Variants in APP observed in about 807,000 individuals in gnomAD.
APP encodes the protein amyloid-beta precursor protein.
APP carries 31 observed loss-of-function variants against 101.4 expected under a neutral mutation model. The ratio of observed to expected loss-of-function variants is 0.31; its 90% CI spans 0.23 to 0.41. The LOEUF is 0.41. APP is among the 10% of genes least tolerant of loss of function. The pLI, the probability that APP is intolerant of heterozygous loss-of-function variation, is 1.00. For synonymous variants in APP, 366 were observed against 364.4 expected, an observed-to-expected ratio of 1.00 and a Z score of -0.05; for missense variants, 839 against 1,003.7, an observed-to-expected ratio of 0.84 and a Z score of 2.22.
intron 16 of APP, among the ~76,000 whole-genome samples, chr21:25,892,906 G>A (rs1476126729): frequency 6.6e-6 from 1 of 151,318 alleles, no homozygotes; most frequent in Admixed American, 6.6e-5. Context: ...GAAAATACAG[G>A]CATACATAGC....
intron 13 of APP, among the ~76,000 whole-genome samples, chr21:25,916,280 G>A (rs776840107): frequency 1.5e-4 from 23 of 152,146 alleles, no homozygotes; most frequent in Non-Finnish European, 2.4e-4. Context: ...GGGATGAGGC[G>A]GGAGCCACTG....
chr21:26,044,398 A>C (rs1342433789), intron 5 of APP, among the ~76,000 whole-genome samples: 3 of 152,234 alleles, frequency 2.0e-5, no homozygotes, highest in Non-Finnish European at 4.4e-5. Context: ...TGACAGAAGG[A>C]GGCATTTTAC....
At chr21:25,946,288 T>C (rs1449629112) in intron 13 of APP, among the ~76,000 whole-genome samples, 1 of 152,220 alleles carries the variant, frequency 6.6e-6, no homozygotes, top group Non-Finnish European at 1.5e-5. Flanking sequence ...AAATACAACC[T>C]ACAGAATGGG....
intron 1 of APP, among the ~76,000 whole-genome samples, chr21:26,136,958 T>C (rs2062932683): frequency 6.6e-6 from 1 of 152,158 alleles, no homozygotes; most frequent in Non-Finnish European, 1.5e-5. Context: ...AGTGGCGCGA[T>C]CTCTGCTCAC....
chr21:26,102,636 A>G (rs559817306), intron 2 of APP, among the ~76,000 whole-genome samples: 2 of 151,768 alleles, frequency 1.3e-5, no homozygotes, highest in Non-Finnish European at 2.9e-5. Context: ...CGCACCTGTA[A>G]TCCCAGCACT....
chr21:25,962,975 G>A (rs1454923021), intron 11 of APP, among the ~76,000 whole-genome samples: 2 of 151,776 alleles, frequency 1.3e-5, no homozygotes, highest in African/African-American at 2.4e-5. Context: ...CCCTCACACC[G>A]ACCTAATTTT....
chr21:25,925,283 C>T (rs992694877), intron 13 of APP, among the ~76,000 whole-genome samples: 10 of 152,240 alleles, frequency 6.6e-5, no homozygotes, highest in African/African-American at 1.7e-4. Flanking sequence ...CAACATACAA[C>T]TGCTATGCTG....
chr21:25,900,170 G>A (rs2038347272), intron 15 of APP, among the ~76,000 whole-genome samples: 1 of 151,850 alleles, frequency 6.6e-6, no homozygotes, highest in Non-Finnish European at 1.5e-5. Context: ...TCTTTCTATA[G>A]CCCTTTTAAA....
chr21:26,133,148 G>A (rs995048610), intron 1 of APP, among the ~76,000 whole-genome samples: 1 of 152,174 alleles, frequency 6.6e-6, no homozygotes, highest in African/African-American at 2.4e-5. Flanking sequence ...TGTGGAGGGA[G>A]GATCGCTTGA....
chr21:25,920,736 G>C (rs367939480), intron 13 of APP, among the ~76,000 whole-genome samples: 8 of 148,236 alleles, frequency 5.4e-5, no homozygotes, highest in Non-Finnish European at 1.0e-4. Context: ...AGCAAGTCCT[G>C]AGTGACCTAC....
chr21:25,933,794 A>G (rs575543919), intron 13 of APP: 2 of 152,134 alleles, frequency 1.3e-5, no homozygotes, highest in East Asian at 3.9e-4. Flanking sequence ...ATTAAATGTT[A>G]TTATTTTTTT....
intron 11 of APP, among the ~76,000 whole-genome samples, chr21:25,970,255 G>C (rs1020678412): frequency 6.6e-6 from 1 of 151,940 alleles, no homozygotes; most frequent in South Asian, 2.1e-4. Flanking sequence ...ATGACACTTC[G>C]GCAAACATTC....
rs1341915379 is a variant in APP, at chr21:26,170,642, G to A, written c.-22C>T. On this transcript the variant is annotated 5_prime_UTR_variant, in exon 1 of 18. Coordinates refer to ENST00000346798, the MANE Select transcript of APP (RefSeq NM_000484.4). ...GCATCGCGACCCTGCGCGGGGCACC[G>A]AGTGCGCTGCTGTGCGAGTGGGATC... The A allele has an allele frequency of 2.6e-6, 4 of 1,531,744 alleles. No individual in the cohort carries two copies. The highest frequency in any genetic ancestry group is 2.0e-5 in the Admixed American group (1 of 50,618). The allele number at this position is 1,531,744 out of a possible 1,614,324, so 94.9% of individuals were successfully genotyped here. A position where few individuals can be genotyped will look rare whatever the true frequency, so the allele number is the denominator to read the frequency against.
chr21:25,952,682 G>C (rs2146480703), intron 13 of APP, among the ~76,000 whole-genome samples: 1 of 152,192 alleles, frequency 6.6e-6, no homozygotes, highest in African/African-American at 2.4e-5. Flanking sequence ...TTTCCCTATA[G>C]TTATTACCTA....
intron 2 of APP, among the ~76,000 whole-genome samples, chr21:26,107,844 T>A (rs1332019774): frequency 6.6e-6 from 1 of 152,178 alleles, no homozygotes; most frequent in Non-Finnish European, 1.5e-5. Context: ...ACAGGCCCTG[T>A]GTTCTGTTCA....
At chr21:26,088,126 C>T (rs2061740791) in intron 3 of APP, among the ~76,000 whole-genome samples, 1 of 152,096 alleles carries the variant, frequency 6.6e-6, no homozygotes, top group Admixed American at 6.5e-5. Context: ...CTTGAGCCAC[C>T]ACACCCAGTG....
chr21:26,039,542 C>T (rs1025501875), intron 5 of APP, among the ~76,000 whole-genome samples: 1 of 152,168 alleles, frequency 6.6e-6, no homozygotes, highest in Non-Finnish European at 1.5e-5. Context: ...CTTTTGAATA[C>T]CCTTGGCAAA....
intron 11 of APP, among the ~76,000 whole-genome samples, chr21:25,963,818 T>G (rs116557173): frequency 0.024 from 3,600 of 152,242 alleles, 137 homozygotes; most frequent in African/African-American, 0.082. Flanking sequence ...TGCCAGGAGT[T>G]GAGCTGAATT....
At position 25,991,243 on chromosome 21, in the gene APP, A is replaced by G. The variant is rs142653304; in HGVS notation, c.1090+6117T>C. Among the ~76,000 whole-genome samples the G allele has an allele frequency of 4.5e-3, 683 of 152,288 alleles. 4 individuals are homozygous for G. Among genetic ancestry groups the G allele is most frequent in the Middle Eastern group, 0.037 (11 of 294 alleles). On this transcript the variant is annotated intron_variant, in intron 8 of 17. Transcript: ENST00000346798. ...CACTACTCAGTGAAATGGGGACACT[A>G]AACTCTCAGACATCACCACTATACA...
Sources: allele counts gnomAD v4.1 joint callset (sites outside exome capture counted in the v4.1 genomes callset), GRCh38; gene constraint gnomAD v4.1.1; transcripts MANE v1.5; gene names NCBI Gene and HGNC (gene_info 2026-07-23, HGNC 2026-07-21).